Variants in BRWD3 observed in about 807,000 individuals in gnomAD.
BRWD3 encodes the protein bromodomain and WD repeat-containing protein 3.
Under a neutral mutation model 149.7 loss-of-function variants are expected in BRWD3, and 10 were observed. The ratio of observed to expected loss-of-function variants is 0.07; its 90% confidence interval spans 0.04 to 0.11. BRWD3 has a LOEUF of 0.11. Among genes scored for constraint, BRWD3 ranks in the 10% least tolerant of loss-of-function variants. BRWD3 has a pLI of 1.00. For synonymous variants in BRWD3, 504 were observed against 456.7 expected (o/e 1.10, Z -1.32); for missense variants, 940 against 1,373.2 (o/e 0.68, Z 4.99).
chrX:80,767,014 T>A (rs1399209465), intron 6 of BRWD3, among the ~76,000 whole-genome samples: 1 of 112,372 alleles, frequency 8.9e-6, no homozygotes, highest in Non-Finnish European at 1.9e-5. Flanking sequence ...TACTGGTAGC[T>A]CAGCAGTCTG....
chrX:80,726,676 A>G (rs890211707), intron 14 of BRWD3, among the ~76,000 whole-genome samples: 3 of 110,771 alleles, frequency 2.7e-5, no homozygotes, highest in Non-Finnish European at 5.7e-5. Flanking sequence ...AAAATAGAAT[A>G]GAGTATCCTA....
chrX:80,731,703 G>A (rs1433043405), intron 12 of BRWD3, among the ~76,000 whole-genome samples: 2 of 109,431 alleles, frequency 1.8e-5, no homozygotes, highest in African/African-American at 6.6e-5. Flanking sequence ...GACCATCCTG[G>A]CTAACACGGT....
chrX:80,768,932 G>T lies in BRWD3; in HGVS notation c.430+22922C>A, dbSNP rs1296410777. ...CAAAAAAAAGAAAAAAAAAAGCAGG[G>T]GTTGCAGTCCTAGTCTCTGATAAAA... On this transcript the variant is annotated intron_variant, in intron 6 of 40. Transcript: ENST00000373275. Among the ~76,000 whole-genome samples the T allele has an allele frequency of 2.7e-5, 3 of 110,337 alleles. No individual in the cohort carries two copies. In the Admixed American group the frequency reaches 2.9e-4, roughly 11 times the overall value.
chrX:80,778,954 G>C (rs1404874584), intron 6 of BRWD3, among the ~76,000 whole-genome samples: 1 of 111,971 alleles, frequency 8.9e-6, no homozygotes, highest in African/African-American at 3.2e-5. Flanking sequence ...AGCCAAGATG[G>C]TGCCATTGCA....
At chrX:80,805,552 T>C (rs2074341013) in intron 4 of BRWD3, among the ~76,000 whole-genome samples, 1 of 111,714 alleles carries the variant, frequency 9.0e-6, no homozygotes, top group African/African-American at 3.3e-5. Flanking sequence ...ATGATACTAT[T>C]AATACTTTGC....
At chrX:80,713,694 AT>A (rs1220920191) in intron 20 of BRWD3, among the ~76,000 whole-genome samples, 2 of 111,565 alleles carry the variant, frequency 1.8e-5, no homozygotes, top group Non-Finnish European at 3.8e-5. Context: ...CAATAAAAAA[AT>A]AAAAAATAAA....
At chrX:80,736,117 A>T in intron 8 of BRWD3, 29 bp from the exon 9 acceptor site, 1 of 997,594 alleles carries the variant, frequency 1.0e-6, no homozygotes, top group South Asian at 2.1e-5. Flanking sequence ...TGATTCAAAT[A>T]AAAAGTTTTC....
intron 26 of BRWD3, among the ~76,000 whole-genome samples, chrX:80,696,242 T>G (rs2147700644): frequency 9.0e-6 from 1 of 111,042 alleles, no homozygotes; most frequent in Non-Finnish European, 1.9e-5. Flanking sequence ...TATTTTATAT[T>G]AAGGAGTATG....
chrX:80,764,506 T>G, intron 6 of BRWD3, among the ~76,000 whole-genome samples: 1 of 107,380 alleles, frequency 9.3e-6, no homozygotes, highest in Non-Finnish European at 1.9e-5. Flanking sequence ...GTATAGACGG[T>G]GTTTCACCAT....
intron 22 of BRWD3, among the ~76,000 whole-genome samples, chrX:80,706,161 T>G (rs1244945566): frequency 9.1e-6 from 1 of 110,002 alleles, no homozygotes; most frequent in African/African-American, 3.3e-5. Context: ...CAGGCTGGAG[T>G]GCAATGGCGC....
chrX:80,694,238 A>G, intron 27 of BRWD3, among the ~76,000 whole-genome samples: 1 of 111,958 alleles, frequency 8.9e-6, no homozygotes, highest in Non-Finnish European at 1.9e-5. Flanking sequence ...ATAGAAGTCA[A>G]GAATTGAGGT....
chrX:80,698,160 GT>G (rs996223335), intron 25 of BRWD3, among the ~76,000 whole-genome samples: 5 of 111,354 alleles, frequency 4.5e-5, no homozygotes, highest in African/African-American at 1.3e-4. Flanking sequence ...GAGATTGTTT[GT>G]TTTTTTGCTT....
intron 17 of BRWD3, among the ~76,000 whole-genome samples, chrX:80,722,348 T>C (rs780116011): frequency 2.7e-5 from 3 of 111,870 alleles, no homozygotes; most frequent in South Asian, 3.7e-4. Context: ...TTGATGCTTA[T>C]GTTTGTCCTA....
At chrX:80,719,133 T>G (rs2073110451) in intron 18 of BRWD3, among the ~76,000 whole-genome samples, 1 of 110,669 alleles carries the variant, frequency 9.0e-6, no homozygotes, top group South Asian at 3.8e-4. Flanking sequence ...TGGTAGTAAT[T>G]TCTAAACTTA....
chrX:80,736,374 A>G (rs1405496230), intron 8 of BRWD3, among the ~76,000 whole-genome samples: 1 of 111,898 alleles, frequency 8.9e-6, no homozygotes, highest in African/African-American at 3.2e-5. Context: ...TAAGATTTTT[A>G]ATCACTTTCG....
chrX:80,720,014 T>G (rs1229505099), intron 17 of BRWD3, among the ~76,000 whole-genome samples: 4 of 111,899 alleles, frequency 3.6e-5, no homozygotes, highest in African/African-American at 1.3e-4. Flanking sequence ...GCCTTCACAG[T>G]GCAATGCAGT....
chrX:80,685,435 T>C, intron 36 of BRWD3, 27 bp downstream of exon 36: 5 of 1,150,895 alleles, frequency 4.3e-6, no homozygotes, highest in Non-Finnish European at 5.9e-6. Context: ...ACAATCAATA[T>C]GTCTTTTAAG....
chrX:80,802,790 T>C (rs1317280110), intron 4 of BRWD3, among the ~76,000 whole-genome samples: 10 of 110,875 alleles, frequency 9.0e-5, no homozygotes, highest in Non-Finnish European at 1.9e-4. Context: ...TCTTTTCTAC[T>C]ACTCACAAAA....
At chrX:80,737,157 G>A (rs1035455824) in intron 8 of BRWD3, among the ~76,000 whole-genome samples, 5 of 111,289 alleles carry the variant, frequency 4.5e-5, no homozygotes, top group African/African-American at 1.6e-4. Context: ...CAGGACTCAT[G>A]CCTATATAGT....
Sources: gnomAD v4.1 joint callset for allele counts (sites outside exome capture counted in the v4.1 genomes callset) on GRCh38, gnomAD v4.1.1 for gene constraint, MANE v1.5 for transcripts, NCBI Gene and HGNC (gene_info 2026-07-23, HGNC 2026-07-21) for gene names.